EOGT: variants seen among roughly 807,000 people sequenced by gnomAD.
EOGT encodes EGF domain-specific O-linked N-acetylglucosamine transferase.
A neutral mutation model predicts 70.5 loss-of-function variants in EOGT; 55 were observed. The observed-to-expected ratio is 0.78, with a 90% CI of 0.63 to 0.98. The LOEUF is 0.98. Ranked by LOEUF, EOGT falls within the 50% of genes least tolerant of loss-of-function variation. The pLI is 0.00. For missense variants in EOGT, 703 were observed against 641.9 expected (o/e 1.10, Z -1.03); for synonymous variants, 246 against 217.1 (o/e 1.13, Z -1.17).
intron 9 of EOGT, among the ~76,000 whole-genome samples, chr3:68,999,925 T>G (rs991112352): frequency 6.6e-6 from 1 of 152,094 alleles, no homozygotes; most frequent in African/African-American, 2.4e-5. Flanking sequence ...CAAGTTAACA[T>G]GAAAAGGAAA....
intron 10 of EOGT, among the ~76,000 whole-genome samples, chr3:68,991,765 C>T (rs2091001479): frequency 6.6e-6 from 1 of 152,150 alleles, no homozygotes; most frequent in South Asian, 2.1e-4. Context: ...AGTTTTCACA[C>T]TGCTGATAAA....
At chr3:69,010,594 C>G (rs2091552386) in intron 3 of EOGT, among the ~76,000 whole-genome samples, 1 of 152,196 alleles carries the variant, frequency 6.6e-6, no homozygotes, top group African/African-American at 2.4e-5. Context: ...CATCATAGAG[C>G]TGTCATGAGT....
intron 14 of EOGT, among the ~76,000 whole-genome samples, chr3:68,983,910 C>T (rs907503052): frequency 6.6e-6 from 1 of 152,168 alleles, no homozygotes; most frequent in Admixed American, 6.5e-5. Context: ...CTGCAGTGAG[C>T]CGAGATCGTG....
intron 14 of EOGT, among the ~76,000 whole-genome samples, chr3:68,986,262 G>A (rs1388286935): frequency 6.6e-6 from 1 of 152,136 alleles, no homozygotes; most frequent in Non-Finnish European, 1.5e-5. Context: ...AATTCCATCT[G>A]CAACCTTACT....
At position 69,007,781 on chromosome 3, in the gene EOGT, G is replaced by C. The variant is rs761178511; in HGVS notation, c.352C>G (p.Gln118Glu). ...TCTCTGGCATATCCAAAGTCAGCTT[G>C]TTTCCAAAATATGTCCTCAGCTGAC... ...LESAEDIFWK[Q>E]ADFGYARERL... The change falls in exon 6 of 18, where the codon CAA becomes GAA. Residue 118 changes from glutamine (Q) to glutamate (E), a missense_variant. Gln to Glu is a conservative substitution (Grantham distance 29). Transcript: ENST00000383701. 1 of 1,613,018 alleles carries C rather than the reference G, an allele frequency of 6.2e-7. No homozygotes were observed. Among genetic ancestry groups the C allele is most frequent in the Non-Finnish European group, 8.5e-7 (1 of 1,179,350 alleles).
intron 14 of EOGT, among the ~76,000 whole-genome samples, chr3:68,986,052 A>T (rs957506346): frequency 2.0e-5 from 3 of 152,138 alleles, no homozygotes; most frequent in Admixed American, 1.3e-4. Context: ...CACTTCCCTT[A>T]TATCTCCCTC....
intron 14 of EOGT, among the ~76,000 whole-genome samples, chr3:68,984,183 T>C (rs890254808): frequency 3.3e-5 from 5 of 151,292 alleles, no homozygotes; most frequent in African/African-American, 4.9e-5. Context: ...CAACAAGCAG[T>C]GACCAACATT....
intron 10 of EOGT, among the ~76,000 whole-genome samples, chr3:68,992,744 C>A (rs539269043): frequency 6.6e-6 from 1 of 152,338 alleles, no homozygotes; most frequent in Non-Finnish European, 1.5e-5. Flanking sequence ...CATGAGAGCC[C>A]CGCCCCTGCA....
In EOGT at chr3:68,976,075, A is replaced by G. The variant is rs957173188; in HGVS notation, c.*1543T>C. On this transcript the variant is annotated 3_prime_UTR_variant, in exon 18 of 18. Transcript: ENST00000383701. ...TCTGACTACTAAATTGAAAGTTCAT[A>G]AGCAGTAAGAAATGAATCCCACTCA... is the stretch of plus-strand genomic sequence containing the variant. 1 of 152,232 alleles carries G rather than the reference A, an allele frequency of 6.6e-6. No homozygotes were observed. The highest frequency in any genetic ancestry group is 2.4e-5 in the African/African-American group (1 of 41,458). 9.4% of individuals were successfully genotyped at this position (152,232 alleles called of 1,614,324 possible).
intron 7 of EOGT, 122 bp from the exon 8 acceptor site, chr3:69,004,604 T>A: frequency 1.5e-6 from 1 of 662,230 alleles, no homozygotes; most frequent in Non-Finnish European, 2.6e-6. Context: ...TTTAACTATT[T>A]ACAATAGAAA....
Position 68,978,418 on chromosome 3 carries a change from T to G in EOGT, c.1352A>C (p.Glu451Ala). The G allele has an allele frequency of 6.2e-7, 1 of 1,610,750 alleles. No homozygotes were observed. Among genetic ancestry groups the G allele is most frequent in the South Asian group, 1.1e-5 (1 of 90,086 alleles). Residue 451 changes from glutamate to alanine, a missense_variant, in exon 17 of 18, where the codon GAA becomes GCA. Physicochemically the swap from Glu to Ala is moderately radical, Grantham distance 107. Transcript: ENST00000383701. ...AVFELYNCED[E>A]RCYLDLARLR... ...CCTGGCCAAGTCTAAGTAACAGCGT[T>G]CATCTTCACAGTTGTACCTAAGGAC...
In EOGT at chr3:69,004,329, G is replaced by A. The variant is rs537426817; in HGVS notation, c.620+49C>T. 410 of 1,389,350 alleles carry A rather than the reference G, an allele frequency of 3.0e-4. 3 individuals are homozygous for A. The highest frequency in any genetic ancestry group is 2.9e-3 in the Middle Eastern group (16 of 5,590). 86.1% of individuals were successfully genotyped at this position (1,389,350 alleles called of 1,614,324 possible). ...GTCTCCATTAATATCTGCAAGTGCC[G>A]TAAATAAAGGCAAATATTTCCGAAA... On this transcript the variant is annotated intron_variant, in intron 8 of 17. Transcript: ENST00000383701.
chr3:69,004,327 C>G (rs1261210337), intron 8 of EOGT, 51 bp downstream of exon 8: 2 of 1,327,110 alleles, frequency 1.5e-6, no homozygotes, highest in African/African-American at 1.5e-5. Flanking sequence ...TCTGCAAGTG[C>G]CGTAAATAAA....
chr3:69,001,752 C>T, intron 8 of EOGT, 38 bp from the exon 9 acceptor site: 1 of 1,383,302 alleles, frequency 7.2e-7, no homozygotes, highest in Non-Finnish European at 1.0e-6. Flanking sequence ...CAAACTGATT[C>T]TCCCAAACTT....
chr3:68,977,533 A>G lies in EOGT; in HGVS notation c.*85T>C, dbSNP rs2090505209. The stretch of plus-strand genomic sequence containing the variant: ...AGAAAAGGTAATTCGGGGATAGGAA[A>G]TAACAGATTGCTTTACTGATTTAAT... On this transcript the variant is annotated 3_prime_UTR_variant, in exon 18 of 18. Coordinates refer to ENST00000383701, the MANE Select transcript of EOGT (RefSeq NM_001278689.2). 3 of 1,437,628 alleles carry G rather than the reference A, an allele frequency of 2.1e-6. No homozygotes were observed. Among genetic ancestry groups the G allele is most frequent in the Admixed American group, 3.7e-5 (2 of 53,624 alleles). 89.1% of individuals were successfully genotyped at this position (1,437,628 alleles called of 1,614,324 possible).
chr3:68,979,579 T>A lies in EOGT; in HGVS notation c.1334+89A>T, dbSNP rs559568809. ...CTTCTCTTTTTGAATGATTAAATATTAAGCCTTTTGATGCTCAGAATGAAA... is the reference window on the plus strand; with the variant it reads ...CTTCTCTTTTTGAATGATTAAATATAAAGCCTTTTGATGCTCAGAATGAAA... On this transcript the variant is annotated intron_variant, in intron 16 of 17. Coordinates refer to ENST00000383701, the MANE Select transcript of EOGT (RefSeq NM_001278689.2). 1.7e-5 allele frequency: 24 copies of A among 1,376,094 alleles called. No individual in the cohort carries two copies. In the East Asian group the frequency reaches 5.5e-4, roughly 31 times the overall value. 85.2% of individuals were successfully genotyped at this position (1,376,094 alleles called of 1,614,324 possible).
intron 10 of EOGT, among the ~76,000 whole-genome samples, chr3:68,994,933 G>C (rs916991888): frequency 1.3e-5 from 2 of 152,168 alleles, no homozygotes; most frequent in African/African-American, 2.4e-5. Context: ...TCTGAAGATG[G>C]GTCCCTCTAT....
chr3:68,985,086 G>T (rs1254115612), intron 14 of EOGT, among the ~76,000 whole-genome samples: 2 of 152,054 alleles, frequency 1.3e-5, no homozygotes, highest in Admixed American at 6.6e-5. Flanking sequence ...GAGGGTTGGG[G>T]GGCACAATGT....
rs539304977 is a variant in EOGT, at chr3:68,998,788, G to T, written c.728-674C>A. Reference sequence around the variant, plus strand: ...GGAGGTGGAGGCTGCAGTGAACCAAGATCACACCACTGCACTCCAGTCTGA... The same window carrying T: ...GGAGGTGGAGGCTGCAGTGAACCAATATCACACCACTGCACTCCAGTCTGA... On this transcript the variant is annotated intron_variant, in intron 9 of 17. Coordinates refer to ENST00000383701, the MANE Select transcript of EOGT (RefSeq NM_001278689.2). Among the ~76,000 whole-genome samples the T allele has an allele frequency of 2.2e-5, 3 of 135,330 alleles. No individual in the cohort carries two copies. The East Asian group carries it at 6.4e-4, about 29-fold the overall frequency. 88.8% of individuals were successfully genotyped at this position (135,330 alleles called of 152,430 possible).
Sources: gnomAD v4.1 joint callset for allele counts (sites outside exome capture counted in the v4.1 genomes callset) on GRCh38, gnomAD v4.1.1 for gene constraint, MANE v1.5 for transcripts, NCBI Gene and HGNC (gene_info 2026-07-23, HGNC 2026-07-21) for gene names.